Variants in GABRA2 observed in about 807,000 individuals in gnomAD.
GABRA2 encodes the protein gamma-aminobutyric acid receptor subunit alpha-2.
Under a neutral mutation model 48.7 loss-of-function variants are expected in GABRA2, and 16 were observed. The observed-to-expected ratio is 0.33, with a 90% CI of 0.22 to 0.50. GABRA2 has a LOEUF of 0.50. GABRA2 is among the 20% of genes least tolerant of loss of function. The pLI is 0.98. For missense variants in GABRA2, 275 were observed against 535.6 expected, an observed-to-expected ratio of 0.51 and a Z score of 4.80; for synonymous variants, 185 against 184.5, an observed-to-expected ratio of 1.00 and a Z score of -0.02.
chr4:46,354,148 T>A (rs1735601483), intron 3 of GABRA2, among the ~76,000 whole-genome samples: 1 of 152,182 alleles, frequency 6.6e-6, no homozygotes, highest in African/African-American at 2.4e-5. Flanking sequence ...GTATTACTCC[T>A]CCTCTTGGCA....
chr4:46,345,672 T>G (rs1017785202), intron 3 of GABRA2, among the ~76,000 whole-genome samples: 1 of 151,872 alleles, frequency 6.6e-6, no homozygotes, highest in African/African-American at 2.4e-5. Flanking sequence ...CCTAACTGGC[T>G]CACTTTGCCA....
intron 8 of GABRA2, among the ~76,000 whole-genome samples, chr4:46,298,812 T>C (rs757930219): frequency 1.3e-5 from 2 of 151,904 alleles, no homozygotes; most frequent in South Asian, 2.1e-4. Context: ...GATATTAGTG[T>C]ATTAATATAT....
chr4:46,314,157 T>C (rs887326016), intron 4 of GABRA2, among the ~76,000 whole-genome samples: 10 of 152,130 alleles, frequency 6.6e-5, no homozygotes, highest in Admixed American at 3.3e-4. Context: ...AAAAAAATGA[T>C]GAACAAAGAG....
chr4:46,361,836 C>G (rs1285225717), intron 3 of GABRA2, among the ~76,000 whole-genome samples: 1 of 152,214 alleles, frequency 6.6e-6, no homozygotes, highest in South Asian at 2.1e-4. Flanking sequence ...GACATAGAGT[C>G]AAAGGAGATC....
chr4:46,270,444 T>C (rs1477238043), intron 8 of GABRA2, among the ~76,000 whole-genome samples: 1 of 152,032 alleles, frequency 6.6e-6, no homozygotes, highest in African/African-American at 2.4e-5. Flanking sequence ...TGTACCTCTC[T>C]ACCAACAATG....
At chr4:46,389,511 C>T in intron 1 of GABRA2, 1 of 614,110 alleles carries the variant, frequency 1.6e-6, no homozygotes, top group Non-Finnish European at 2.0e-6. Context: ...GGCTAACGTG[C>T]TGCCGAGCAG....
chr4:46,381,994 C>G (rs1311754806), intron 3 of GABRA2, among the ~76,000 whole-genome samples: 1 of 152,012 alleles, frequency 6.6e-6, no homozygotes, highest in African/African-American at 2.4e-5. Flanking sequence ...GAAAGTCATT[C>G]AAGAGATATT....
intron 3 of GABRA2, among the ~76,000 whole-genome samples, chr4:46,341,652 ACT>A (rs1288768152): frequency 6.6e-6 from 1 of 152,022 alleles, no homozygotes; most frequent in Non-Finnish European, 1.5e-5. Flanking sequence ...AAAGTTCATA[ACT>A]CTGCCTAAGC....
chr4:46,280,057 A>AAAT (rs1721240275), intron 8 of GABRA2, among the ~76,000 whole-genome samples: 1 of 151,990 alleles, frequency 6.6e-6, no homozygotes, highest in African/African-American at 2.4e-5. Context: ...TTTTTTTAAA[A>AAAT]AATGAGATAA....
intron 3 of GABRA2, among the ~76,000 whole-genome samples, chr4:46,376,358 T>G (rs1213614386): frequency 2.0e-5 from 3 of 152,148 alleles, no homozygotes; most frequent in Non-Finnish European, 4.4e-5. Flanking sequence ...GTCCAATTTA[T>G]CCACTGTGTA....
intron 8 of GABRA2, among the ~76,000 whole-genome samples, chr4:46,266,834 G>T (rs1718345720): frequency 6.9e-6 from 1 of 144,758 alleles, no homozygotes; most frequent in Admixed American, 7.3e-5. Flanking sequence ...CAATTCTCCT[G>T]CCTCAGCCTC....
chr4:46,328,459 T>A (rs966637211), intron 4 of GABRA2, among the ~76,000 whole-genome samples: 2 of 152,042 alleles, frequency 1.3e-5, no homozygotes, highest in African/African-American at 4.8e-5. Context: ...GCACACTGAT[T>A]AGAAATAAAA....
chr4:46,252,461 C>T (rs956834466), intron 9 of GABRA2, among the ~76,000 whole-genome samples: 3 of 150,404 alleles, frequency 2.0e-5, no homozygotes, highest in Non-Finnish European at 4.5e-5. Context: ...ATAGGAAGTT[C>T]CTTTATTAAC....
At chr4:46,272,261 T>A (rs1365946383) in intron 8 of GABRA2, among the ~76,000 whole-genome samples, 1 of 151,972 alleles carries the variant, frequency 6.6e-6, no homozygotes, top group Non-Finnish European at 1.5e-5. Flanking sequence ...ATTATATGGA[T>A]TAGAGCCAGT....
intron 3 of GABRA2, among the ~76,000 whole-genome samples, chr4:46,337,022 A>T (rs1366615104): frequency 6.6e-6 from 1 of 152,190 alleles, no homozygotes; most frequent in African/African-American, 2.4e-5. Flanking sequence ...TTGCAAAACT[A>T]TGAAAGAACA....
At chr4:46,328,688 TTACGTATGTA>T (rs748606931) in intron 4 of GABRA2, among the ~76,000 whole-genome samples, 1 of 152,046 alleles carries the variant, frequency 6.6e-6, no homozygotes, top group Admixed American at 6.6e-5. Flanking sequence ...TGCAGGTTAG[TTACGTATGTA>T]TACATGTGCC....
intron 3 of GABRA2, among the ~76,000 whole-genome samples, chr4:46,344,640 A>G (rs10004122): frequency 0.38 from 57,267 of 151,610 alleles, 11,560 homozygotes; most frequent in East Asian, 0.56. Flanking sequence ...AAGATCAATG[A>G]CAGAGGAAAA....
At chr4:46,286,387 G>A (rs139721182) in intron 8 of GABRA2, among the ~76,000 whole-genome samples, 26 of 152,080 alleles carry the variant, frequency 1.7e-4, no homozygotes, top group African/African-American at 5.3e-4. Context: ...TTTGACCATT[G>A]AGAATAATGC....
At chr4:46,361,866 C>T (rs1381780578) in intron 3 of GABRA2, among the ~76,000 whole-genome samples, 1 of 152,218 alleles carries the variant, frequency 6.6e-6, no homozygotes, top group East Asian at 1.9e-4. Context: ...CTTTAAGATC[C>T]AATTGCCCCA....
Sources: allele counts gnomAD v4.1 joint callset (sites outside exome capture counted in the v4.1 genomes callset), GRCh38; gene constraint gnomAD v4.1.1; transcripts MANE v1.5; gene names NCBI Gene and HGNC (gene_info 2026-07-23, HGNC 2026-07-21).